The following HK2 variants were observed in gnomAD, a reference collection of about 807,000 sequenced individuals.
The protein encoded by HK2 is hexokinase-2.
A neutral mutation model predicts 92.9 loss-of-function variants in HK2; 42 were observed. That is an observed-to-expected ratio of 0.45 (90% CI 0.35 to 0.58). The LOEUF is 0.58. Among genes scored for constraint, HK2 ranks in the 20% least tolerant of loss-of-function variants. The probability of loss-of-function intolerance (pLI) is 0.00; values close to 1 mark genes in which losing one functional copy is unlikely to be tolerated. For missense variants in HK2, 978 were observed against 1,245.1 expected (o/e 0.79, Z 3.23); for synonymous variants, 422 against 468.0 (o/e 0.90, Z 1.27).
At chr2:74,888,110 T>C in intron 16 of HK2, 52 bp downstream of exon 16, 1 of 1,584,922 alleles carries the variant, frequency 6.3e-7, no homozygotes, top group Non-Finnish European at 8.7e-7. Context: ...TTTTTCTCAC[T>C]GGCAGACAAA....
chr2:74,873,393 T>TG, intron 5 of HK2, 22 bp downstream of exon 5: 1 of 1,547,438 alleles, frequency 6.5e-7, no homozygotes, highest in Non-Finnish European at 8.9e-7. Context: ...GGCAGGAGCT[T>TG]GGGGTCTGTG....
intron 15 of HK2, among the ~76,000 whole-genome samples, chr2:74,886,886 AG>A (rs1689553081): frequency 6.6e-6 from 1 of 152,238 alleles, no homozygotes; most frequent in Non-Finnish European, 1.5e-5. Flanking sequence ...CTAGGAGAAC[AG>A]GTGGGAGAAT....
At chr2:74,857,748 G>A (rs1054082130) in intron 2 of HK2, among the ~76,000 whole-genome samples, 5 of 152,182 alleles carry the variant, frequency 3.3e-5, no homozygotes, top group Non-Finnish European at 5.9e-5. Flanking sequence ...ATGGAATATG[G>A]CAGTGAAAAT....
intron 1 of HK2, among the ~76,000 whole-genome samples, chr2:74,850,067 C>T (rs3771785): frequency 0.17 from 26,620 of 152,236 alleles, 2,918 homozygotes; most frequent in East Asian, 0.32. Context: ...TCTTAACCAC[C>T]GACTCTCAAA....
rs984291815 is a variant in HK2, at chr2:74,891,357, C to G, written c.*416C>G. On this transcript the variant is annotated 3_prime_UTR_variant, in exon 18 of 18. Coordinates refer to ENST00000290573, the MANE Select transcript of HK2 (RefSeq NM_000189.5). ...CCCAGCACTGATGTTGTTACTGATT[C>G]TCCTGTCAGAGATCTGGGAGGTCTC... 7.7e-6 allele frequency: 2 copies of G among 261,130 alleles called. No homozygotes were observed. Among genetic ancestry groups the G allele is most frequent in the Non-Finnish European group, 1.5e-5 (2 of 132,162 alleles). The allele number at this position is 261,130 out of a possible 1,614,324, so 16.2% of individuals were successfully genotyped here.
chr2:74,869,366 CT>C, intron 3 of HK2, among the ~76,000 whole-genome samples: 2 of 152,280 alleles, frequency 1.3e-5, no homozygotes, highest in South Asian at 2.1e-4. Flanking sequence ...ATTACTGGTG[CT>C]ATTTTTCCCA....
intron 2 of HK2, 101 bp downstream of exon 2, chr2:74,854,556 C>A: frequency 1.5e-6 from 2 of 1,291,232 alleles, no homozygotes; most frequent in South Asian, 1.2e-5. Context: ...CAGAAACCAA[C>A]CCTGGCTAAG....
intron 7 of HK2, among the ~76,000 whole-genome samples, chr2:74,874,807 T>A (rs1034466965): frequency 6.6e-6 from 1 of 152,052 alleles, no homozygotes; most frequent in African/African-American, 2.4e-5. Flanking sequence ...AAGATTGGGG[T>A]CTCTGAAAGC....
At position 74,834,688 on chromosome 2, in the gene HK2, G is replaced by A. The variant is rs1284767870; in HGVS notation, c.63+45G>A. On this transcript the variant is annotated intron_variant, in intron 1 of 17. Transcript: ENST00000290573. This position sits in a 1 kb window ranked among gnomAD's most constrained non-coding sequence, Gnocchi z 4.2. ...GCGGCAGGCTGGGCTCTGGCAAAGTGGTCTGGCCTCCATCAGTCTCTTCCT... is the reference window on the plus strand; with the variant it reads ...GCGGCAGGCTGGGCTCTGGCAAAGTAGTCTGGCCTCCATCAGTCTCTTCCT... 2.5e-6 allele frequency: 4 copies of A among 1,593,040 alleles called. No homozygotes were observed. In the Admixed American group the frequency reaches 6.7e-5, roughly 27 times the overall value.
chr2:74,857,107 C>T (rs1347027480), intron 2 of HK2, among the ~76,000 whole-genome samples: 1 of 152,148 alleles, frequency 6.6e-6, no homozygotes. Context: ...AGGAAGTGGC[C>T]CCTGGAATAA....
At chr2:74,884,422 G>A (rs1027072230) in intron 12 of HK2, among the ~76,000 whole-genome samples, 4 of 152,222 alleles carry the variant, frequency 2.6e-5, no homozygotes, top group African/African-American at 9.7e-5. Flanking sequence ...TGCCTCATCA[G>A]TAAGGATCAC....
At chr2:74,867,550 C>G in intron 2 of HK2, 86 bp from the exon 3 acceptor site, 1 of 1,495,292 alleles carries the variant, frequency 6.7e-7, no homozygotes, top group Non-Finnish European at 9.3e-7. Context: ...CACAGATATT[C>G]CTGGAGGGAC....
At chr2:74,877,368 T>C in intron 8 of HK2, 47 bp downstream of exon 8, 1 of 1,607,942 alleles carries the variant, frequency 6.2e-7, no homozygotes, top group Non-Finnish European at 8.5e-7. Context: ...ACCACACGAG[T>C]TGACGGGTAG....
intron 7 of HK2, among the ~76,000 whole-genome samples, chr2:74,875,033 G>A (rs887984098): frequency 1.3e-5 from 2 of 152,186 alleles, no homozygotes; most frequent in African/African-American, 4.8e-5. Flanking sequence ...CTAGCATTTT[G>A]GATCCTGAAT....
At chr2:74,857,663 A>G (rs1325387487) in intron 2 of HK2, among the ~76,000 whole-genome samples, 2 of 152,200 alleles carry the variant, frequency 1.3e-5, no homozygotes, top group African/African-American at 4.8e-5. Context: ...AAACAAAAAT[A>G]GATAAATTTA....
chr2:74,880,767 T>C (rs996994934), intron 10 of HK2, among the ~76,000 whole-genome samples, 198 bp downstream of exon 10: 4 of 152,264 alleles, frequency 2.6e-5, no homozygotes, highest in East Asian at 1.9e-4. Context: ...TCAACACTTA[T>C]TGAATGCTTA....
intron 1 of HK2, among the ~76,000 whole-genome samples, chr2:74,853,441 C>T (rs1002199805): frequency 2.0e-5 from 3 of 151,736 alleles, no homozygotes; most frequent in South Asian, 2.1e-4. Context: ...TGCTTGAACC[C>T]GGGAGGCAGA....
At chr2:74,881,990 G>T (rs1305599107) in intron 11 of HK2, 130 bp from the exon 12 acceptor site, 23 of 1,412,810 alleles carry the variant, frequency 1.6e-5, no homozygotes, top group Non-Finnish European at 1.8e-5. Context: ...GCCTGGTCTT[G>T]ACTCAGGTTT....
chr2:74,864,754 G>T (rs777135908), intron 2 of HK2, among the ~76,000 whole-genome samples: 1 of 152,164 alleles, frequency 6.6e-6, no homozygotes, highest in Non-Finnish European at 1.5e-5. Context: ...TAATCTGCCC[G>T]CCTTGGCCTC....
Sources: allele counts gnomAD v4.1 joint callset (sites outside exome capture counted in the v4.1 genomes callset), GRCh38; gene constraint gnomAD v4.1.1; non-coding constraint Gnocchi (gnomAD v3.1); transcripts MANE v1.5; gene names NCBI Gene and HGNC (gene_info 2026-07-23, HGNC 2026-07-21).